ATP8B1: variants seen among roughly 807,000 people sequenced by gnomAD.
ATP8B1 encodes phospholipid-transporting ATPase IC.
In ATP8B1, 80 loss-of-function variants were observed where a neutral mutation model predicts 149.9. The observed-to-expected ratio is 0.53, with a 90% CI of 0.45 to 0.64. The LOEUF (loss-of-function observed/expected upper bound fraction) is 0.64. Among genes scored for constraint, ATP8B1 ranks in the 30% least tolerant of loss-of-function variants. The pLI is 0.00. For synonymous variants in ATP8B1, 536 were observed against 562.8 expected (o/e 0.95, Z 0.67); for missense variants, 1,247 against 1,552.6 (o/e 0.80, Z 3.31).
At chr18:57,750,248 A>G (rs1352369848) in intron 1 of ATP8B1, among the ~76,000 whole-genome samples, 1 of 152,210 alleles carries the variant, frequency 6.6e-6, no homozygotes, top group African/African-American at 2.4e-5. Context: ...ATCTCAAAAA[A>G]AGAAAAAGAA....
chr18:57,756,210 TAC>T (rs573321061), intron 1 of ATP8B1, among the ~76,000 whole-genome samples: 1,920 of 108,648 alleles, frequency 0.018, 70 homozygotes, highest in African/African-American at 0.052. Flanking sequence ...TATATATATA[TAC>T]ACACACACAC....
chr18:57,649,782 C>G (rs1158705997), intron 27 of ATP8B1, among the ~76,000 whole-genome samples: 2 of 152,164 alleles, frequency 1.3e-5, no homozygotes. Context: ...TTATCTCCCC[C>G]CGACACTGAT....
At chr18:57,762,311 G>A (rs1051941255) in intron 1 of ATP8B1, among the ~76,000 whole-genome samples, 8 of 151,862 alleles carry the variant, frequency 5.3e-5, no homozygotes, top group African/African-American at 1.9e-4. Flanking sequence ...GCTAATTTTT[G>A]TATTTTCAGT....
chr18:57,708,784 C>T (rs1213961599), intron 2 of ATP8B1, among the ~76,000 whole-genome samples: 1 of 152,214 alleles, frequency 6.6e-6, no homozygotes, highest in Non-Finnish European at 1.5e-5. Flanking sequence ...CAGTCCACTT[C>T]TGGTCCATCC....
chr18:57,653,727 T>G (rs1909800008), intron 24 of ATP8B1, among the ~76,000 whole-genome samples: 1 of 150,676 alleles, frequency 6.6e-6, no homozygotes, highest in African/African-American at 2.5e-5. Context: ...GGTCTCACTT[T>G]ATTGCCCAGG....
At chr18:57,661,612 T>C in intron 21 of ATP8B1, 150 bp from the exon 22 acceptor site, 1 of 700,102 alleles carries the variant, frequency 1.4e-6, no homozygotes, top group Non-Finnish European at 2.3e-6. Context: ...CCAAAACATG[T>C]ATATATATGT....
intron 15 of ATP8B1, among the ~76,000 whole-genome samples, chr18:57,676,421 GA>G (rs201692138): frequency 6.8e-6 from 1 of 146,564 alleles, no homozygotes; most frequent in Non-Finnish European, 1.5e-5. Flanking sequence ...AAAAAAAAAA[GA>G]AAAAAAAACC....
intron 15 of ATP8B1, among the ~76,000 whole-genome samples, chr18:57,676,483 G>T (rs1174574942): frequency 6.6e-6 from 1 of 151,836 alleles, no homozygotes; most frequent in African/African-American, 2.4e-5. Flanking sequence ...AATTTGGGAG[G>T]CTGAGGCAGG....
intron 1 of ATP8B1, among the ~76,000 whole-genome samples, chr18:57,772,250 G>A (rs1003926450): frequency 2.6e-5 from 4 of 152,236 alleles, no homozygotes; most frequent in East Asian, 1.9e-4. Context: ...TATTGCTAGC[G>A]GGAGAAGTGG....
intron 1 of ATP8B1, among the ~76,000 whole-genome samples, chr18:57,758,655 A>G (rs1426912549): frequency 1.3e-5 from 2 of 151,728 alleles, no homozygotes; most frequent in East Asian, 3.9e-4. Flanking sequence ...TCTCAAAAAA[A>G]AAAAAAAAAA....
chr18:57,728,225 T>G (rs556084931), intron 2 of ATP8B1, among the ~76,000 whole-genome samples: 21 of 152,030 alleles, frequency 1.4e-4, no homozygotes, highest in African/African-American at 4.8e-4. Flanking sequence ...TTAGGCAGTG[T>G]TTTGCTAGAA....
intron 15 of ATP8B1, among the ~76,000 whole-genome samples, chr18:57,680,093 T>C (rs1911853042): frequency 6.7e-6 from 1 of 150,076 alleles, no homozygotes. Flanking sequence ...CTGGCCAACA[T>C]GGCAAAACTC....
intron 26 of ATP8B1, 101 bp from the exon 27 acceptor site, chr18:57,650,598 T>A (rs1909546502): frequency 3.5e-6 from 5 of 1,443,488 alleles, no homozygotes; most frequent in Middle Eastern, 1.9e-4. Flanking sequence ...ATCCTAACAC[T>A]TTGAGAGGCC....
intron 6 of ATP8B1, among the ~76,000 whole-genome samples, chr18:57,698,530 T>C (rs1912947475): frequency 6.6e-6 from 1 of 152,038 alleles, no homozygotes; most frequent in African/African-American, 2.4e-5. Flanking sequence ...AGATGAGTTT[T>C]TACCATATTG....
intron 1 of ATP8B1, among the ~76,000 whole-genome samples, chr18:57,757,961 C>A (rs1482582004): frequency 6.6e-6 from 1 of 152,028 alleles, no homozygotes; most frequent in Non-Finnish European, 1.5e-5. Context: ...ATGTTGCTCT[C>A]AGTTTTAGGA....
rs1909535158 is a variant in ATP8B1 at position 57,650,478 on chromosome 18, C to CAA, written c.3419_3420insTT (p.Arg1141Ter). The CAA allele has an allele frequency of 6.2e-7, 1 of 1,613,626 alleles. No homozygotes were observed. The highest frequency in any genetic ancestry group is 1.3e-5 in the African/African-American group (1 of 74,924). ...TAGTTAACCAAATGTATGGCTGTCT[C>CAA]AGAGCGTTTGAAGCTGTGCCTGTAA... On this transcript the variant is annotated frameshift_variant, in exon 27 of 28. Coordinates refer to ENST00000648908, the MANE Select transcript of ATP8B1 (RefSeq NM_001374385.1). LOFTEE classifies it high-confidence loss of function.
chr18:57,663,140 A>G (rs1387419158), intron 20 of ATP8B1, among the ~76,000 whole-genome samples: 1 of 152,186 alleles, frequency 6.6e-6, no homozygotes, highest in East Asian at 1.9e-4. Context: ...TTCTGTTTGA[A>G]TGAATTTGAG....
intron 1 of ATP8B1, among the ~76,000 whole-genome samples, chr18:57,741,992 T>G (rs2079918608): frequency 6.6e-6 from 1 of 152,048 alleles, no homozygotes; most frequent in Non-Finnish European, 1.5e-5. Context: ...GCCTCAGCCT[T>G]TCCAGTAGCT....
At chr18:57,654,571 G>A (rs113437213) in intron 23 of ATP8B1, among the ~76,000 whole-genome samples, 18 of 151,218 alleles carry the variant, frequency 1.2e-4, no homozygotes, top group East Asian at 3.9e-4. Flanking sequence ...CGCCCACCTC[G>A]GCCTCCCAAA....
Sources: gnomAD v4.1 joint callset for allele counts (sites outside exome capture counted in the v4.1 genomes callset) on GRCh38, gnomAD v4.1.1 for gene constraint, MANE v1.5 for transcripts, NCBI Gene and HGNC (gene_info 2026-07-23, HGNC 2026-07-21) for gene names.